UBE2D2: variants seen among roughly 807,000 people sequenced by gnomAD.
UBE2D2 encodes ubiquitin conjugating enzyme E2 D2.
A neutral mutation model predicts 24.2 loss-of-function variants in UBE2D2; 2 were observed. The ratio of observed to expected loss-of-function variants is 0.08; its 90% CI spans 0.03 to 0.26. The LOEUF is 0.26. Among genes scored for constraint, UBE2D2 ranks in the 10% least tolerant of loss-of-function variants. The pLI, the probability that UBE2D2 is intolerant of heterozygous loss-of-function variation, is 1.00. For missense variants in UBE2D2, 44 were observed against 177.6 expected (o/e 0.25, Z 4.28); for synonymous variants, 58 against 56.5 (o/e 1.03, Z -0.12).
intron 1 of UBE2D2, among the ~76,000 whole-genome samples, chr5:139,546,817 T>TCTTCTTTCTTTCTTCCTTC (rs1554075920): frequency 2.2e-5 from 3 of 138,302 alleles, no homozygotes; most frequent in Admixed American, 7.5e-5. Context: ...CTTCTTTCTT[T>TCTTCTTTCTTTCTTCCTTC]CTTCCTTCCT....
intron 2 of UBE2D2, among the ~76,000 whole-genome samples, chr5:139,609,492 T>C: frequency 6.6e-6 from 1 of 151,846 alleles, no homozygotes; most frequent in East Asian, 2.0e-4. Flanking sequence ...TGCCTCAGCC[T>C]CCCGAGTAGC....
intron 1 of UBE2D2, among the ~76,000 whole-genome samples, chr5:139,552,006 GAAC>G (rs1211916871): frequency 6.6e-6 from 1 of 152,106 alleles, no homozygotes; most frequent in Non-Finnish European, 1.5e-5. Flanking sequence ...TAATGAGAGA[GAAC>G]AACAGTACAA....
intron 1 of UBE2D2, among the ~76,000 whole-genome samples, chr5:139,538,484 G>A (rs1377172699): frequency 1.3e-5 from 2 of 152,094 alleles, no homozygotes; most frequent in Admixed American, 1.3e-4. Flanking sequence ...GAACCTAGAA[G>A]ACATCATGCT....
intron 1 of UBE2D2, among the ~76,000 whole-genome samples, chr5:139,591,107 A>G (rs1277873073): frequency 7.2e-6 from 1 of 138,176 alleles, no homozygotes; most frequent in Non-Finnish European, 1.5e-5. Flanking sequence ...TATGGTGGGT[A>G]TTTTCTTTTT....
At chr5:139,537,131 T>C (rs548742707) in intron 1 of UBE2D2, among the ~76,000 whole-genome samples, 78 of 148,150 alleles carry the variant, frequency 5.3e-4, no homozygotes, top group Non-Finnish European at 8.8e-4. Context: ...TGCAGTGAGC[T>C]GAGATCATGC....
chr5:139,602,952 C>T (rs891893653), intron 2 of UBE2D2, among the ~76,000 whole-genome samples: 8 of 152,136 alleles, frequency 5.3e-5, no homozygotes, highest in Non-Finnish European at 1.2e-4. Context: ...CTGTTACACA[C>T]GTTGTCTCAT....
intron 1 of UBE2D2, among the ~76,000 whole-genome samples, chr5:139,588,868 T>A (rs1406868595): frequency 6.6e-6 from 1 of 152,092 alleles, no homozygotes; most frequent in African/African-American, 2.4e-5. Flanking sequence ...GCTCAAGTGA[T>A]CCTCCCAGTT....
chr5:139,578,928 A>T (rs752025818), intron 1 of UBE2D2, among the ~76,000 whole-genome samples: 1 of 152,194 alleles, frequency 6.6e-6, no homozygotes, highest in Non-Finnish European at 1.5e-5. Context: ...CATTGATTAT[A>T]TGCAGCTTGA....
At chr5:139,584,593 C>G (rs1277289942) in intron 1 of UBE2D2, among the ~76,000 whole-genome samples, 1 of 142,636 alleles carries the variant, frequency 7.0e-6, no homozygotes, top group African/African-American at 2.7e-5. Flanking sequence ...AGTGCAGTGG[C>G]GCGATCTCGG....
chr5:139,610,525 G>A (rs1452441250), intron 2 of UBE2D2, among the ~76,000 whole-genome samples: 1 of 150,872 alleles, frequency 6.6e-6, no homozygotes, highest in Non-Finnish European at 1.5e-5. Flanking sequence ...GGGCAACAGA[G>A]CGAGACTCCG....
chr5:139,568,842 G>A (rs542766276), intron 1 of UBE2D2, among the ~76,000 whole-genome samples: 2 of 152,168 alleles, frequency 1.3e-5, no homozygotes, highest in Admixed American at 1.3e-4. Context: ...ATGGTGGTGA[G>A]CACCTGTGAT....
intron 2 of UBE2D2, 95 bp from the exon 3 acceptor site, chr5:139,614,491 A>C: frequency 1.4e-6 from 2 of 1,385,064 alleles, no homozygotes; most frequent in Non-Finnish European, 2.0e-6. Flanking sequence ...ATTATTTATA[A>C]ATGAATTTGG....
intron 1 of UBE2D2, among the ~76,000 whole-genome samples, chr5:139,541,599 CAAAAAAAAAAAAA>C (rs892398676): frequency 3.4e-5 from 2 of 58,458 alleles, no homozygotes; most frequent in African/African-American, 1.4e-4. Flanking sequence ...GACTCCATTT[CAAAAAAAAAAAAA>C]AAAAAAAAAG....
At chr5:139,583,500 G>A (rs964684960) in intron 1 of UBE2D2, among the ~76,000 whole-genome samples, 3 of 152,118 alleles carry the variant, frequency 2.0e-5, no homozygotes, top group Non-Finnish European at 2.9e-5. Flanking sequence ...AGTGGCTTAC[G>A]CCTGTAATCC....
chr5:139,570,543 G>T (rs1266537611), intron 1 of UBE2D2, among the ~76,000 whole-genome samples: 1 of 150,098 alleles, frequency 6.7e-6, no homozygotes, highest in Non-Finnish European at 1.5e-5. Flanking sequence ...ATGGAGTCTA[G>T]CTCTGACGCC....
intron 1 of UBE2D2, among the ~76,000 whole-genome samples, chr5:139,569,115 G>A (rs1399436192): frequency 6.6e-6 from 1 of 152,186 alleles, no homozygotes; most frequent in Non-Finnish European, 1.5e-5. Flanking sequence ...ATGGTTGTCT[G>A]AATATGGCTA....
chr5:139,545,785 G>A (rs1318852538), intron 1 of UBE2D2, among the ~76,000 whole-genome samples: 1 of 150,700 alleles, frequency 6.6e-6, no homozygotes, highest in Non-Finnish European at 1.5e-5. Context: ...GTACAGTGGT[G>A]TGATCTCTGC....
intron 1 of UBE2D2, among the ~76,000 whole-genome samples, chr5:139,591,063 C>CT (rs541334303): frequency 1.2e-3 from 175 of 150,514 alleles, no homozygotes; most frequent in African/African-American, 4.0e-3. Flanking sequence ...TCCCAAAGTG[C>CT]TGGGATTACA....
At chr5:139,600,683 G>T (rs2126686105) in intron 2 of UBE2D2, among the ~76,000 whole-genome samples, 1 of 152,266 alleles carries the variant, frequency 6.6e-6, no homozygotes, top group South Asian at 2.1e-4. Context: ...TTCCTGGAGT[G>T]AAATATTTAA....
Sources: gnomAD v4.1 joint callset for allele counts (sites outside exome capture counted in the v4.1 genomes callset) on GRCh38, gnomAD v4.1.1 for gene constraint, MANE v1.5 for transcripts, NCBI Gene and HGNC (gene_info 2026-07-23, HGNC 2026-07-21) for gene names.